GRID2: variants seen among roughly 807,000 people sequenced by gnomAD.
The protein encoded by GRID2 is glutamate ionotropic receptor delta type subunit 2.
A neutral mutation model predicts 114.8 loss-of-function variants in GRID2; 33 were observed. That is an observed-to-expected ratio of 0.29 (90% CI 0.22 to 0.38). The LOEUF is 0.38. GRID2 is among the 10% of genes least tolerant of loss of function. The pLI is 1.00. For synonymous variants in GRID2, 505 were observed against 449.9 expected (o/e 1.12, Z -1.55); for missense variants, 1,184 against 1,257.7 (o/e 0.94, Z 0.89).
At chr4:92,315,698 C>T (rs993937488) in intron 1 of GRID2, among the ~76,000 whole-genome samples, 1 of 152,054 alleles carries the variant, frequency 6.6e-6, no homozygotes, top group East Asian at 1.9e-4. Flanking sequence ...TGGCCATGCA[C>T]GGTGGCTCAC....
intron 2 of GRID2, among the ~76,000 whole-genome samples, chr4:92,887,552 A>AC (rs11389654): frequency 0.86 from 130,342 of 152,088 alleles, 56,390 homozygotes; most frequent in African/African-American, 0.97. Context: ...GTTAGAATCA[A>AC]TGGATCTTGA....
chr4:92,684,557 T>A (rs1208507537), intron 2 of GRID2, among the ~76,000 whole-genome samples: 1 of 152,174 alleles, frequency 6.6e-6, no homozygotes, highest in East Asian at 1.9e-4. Flanking sequence ...ATTTGTGAAT[T>A]ACAATGATCA....
intron 8 of GRID2, among the ~76,000 whole-genome samples, chr4:93,307,829 G>C (rs1755592011): frequency 6.6e-6 from 1 of 151,734 alleles, no homozygotes; most frequent in African/African-American, 2.4e-5. Context: ...CACAAGGAAA[G>C]GGGTAAACTG....
At chr4:92,860,423 A>G (rs1051230208) in intron 2 of GRID2, among the ~76,000 whole-genome samples, 1 of 152,162 alleles carries the variant, frequency 6.6e-6, no homozygotes. Context: ...TTGTTAGACT[A>G]TGATTTGTGA....
chr4:92,674,452 A>G lies in GRID2; in HGVS notation c.244+84166A>G, dbSNP rs1026364487. 2.0e-5 allele frequency among the ~76,000 whole-genome samples: 3 copies of G among 152,230 alleles called. No individual in the cohort carries two copies. In the East Asian group the frequency reaches 5.8e-4, roughly 29 times the overall value. On this transcript the variant is annotated intron_variant, in intron 2 of 15. Transcript: ENST00000282020. ...TCTTAATTTCAGATAATTTATTTTT[A>G]CAGTTTCAACTTATATGGTTTTTAT...
chr4:93,793,076 G>A (rs1311499370), intron 1 of GRID2, among the ~76,000 whole-genome samples: 3 of 152,034 alleles, frequency 2.0e-5, no homozygotes, highest in South Asian at 4.1e-4. Flanking sequence ...CCTTATGCTC[G>A]ATCCCACTAT....
intron 1 of GRID2, among the ~76,000 whole-genome samples, chr4:92,429,902 T>C (rs1482966943): frequency 6.6e-6 from 1 of 152,208 alleles, no homozygotes; most frequent in African/African-American, 2.4e-5. Context: ...GTATATCTTC[T>C]TTTGAGAAAT....
At chr4:92,769,018 A>C (rs1738403214) in intron 2 of GRID2, among the ~76,000 whole-genome samples, 1 of 152,174 alleles carries the variant, frequency 6.6e-6, no homozygotes, top group Non-Finnish European at 1.5e-5. Flanking sequence ...ATTAACTCAG[A>C]AGTCCACAGT....
intron 2 of GRID2, among the ~76,000 whole-genome samples, chr4:92,834,607 G>A (rs1162743754): frequency 6.6e-6 from 1 of 152,108 alleles, no homozygotes; most frequent in Non-Finnish European, 1.5e-5. Flanking sequence ...ATACCCTCAA[G>A]CAGCTTATAC....
At chr4:93,774,691 C>T (rs1466548327), downstream of GRID2, 1 of 152,070 alleles carries the variant, frequency 6.6e-6, no homozygotes, top group East Asian at 1.9e-4. Flanking sequence ...ACTGGCAGAA[C>T]TATGCCAAAA....
chr4:93,127,189 C>T (rs1051011365), intron 4 of GRID2, among the ~76,000 whole-genome samples: 1 of 152,150 alleles, frequency 6.6e-6, no homozygotes, highest in African/African-American at 2.4e-5. Flanking sequence ...TTAGTGATCA[C>T]TTGCGAAGTT....
At chr4:92,425,060 G>A (rs1025559355) in intron 1 of GRID2, among the ~76,000 whole-genome samples, 1 of 151,814 alleles carries the variant, frequency 6.6e-6, no homozygotes, top group African/African-American at 2.4e-5. Context: ...AATCTTTTAG[G>A]TTATTATAAT....
chr4:93,579,299 A>G (rs1376249922), intron 13 of GRID2, among the ~76,000 whole-genome samples: 1 of 152,138 alleles, frequency 6.6e-6, no homozygotes, highest in Non-Finnish European at 1.5e-5. Context: ...GGACACGTTC[A>G]TATCACAGTA....
At chr4:93,323,040 C>T (rs529532072) in intron 8 of GRID2, among the ~76,000 whole-genome samples, 1 of 152,202 alleles carries the variant, frequency 6.6e-6, no homozygotes, top group African/African-American at 2.4e-5. Flanking sequence ...CGCAGGAGCT[C>T]TTTAGTTTAA....
intron 2 of GRID2, among the ~76,000 whole-genome samples, chr4:92,626,017 T>C (rs1730504374): frequency 6.6e-6 from 1 of 151,990 alleles, no homozygotes; most frequent in Admixed American, 6.6e-5. Flanking sequence ...GAAGTCTAGA[T>C]ATCCTAATTT....
chr4:92,564,371 G>A (rs1304728975), intron 1 of GRID2, among the ~76,000 whole-genome samples: 1 of 151,860 alleles, frequency 6.6e-6, no homozygotes, highest in East Asian at 1.9e-4. Flanking sequence ...TGCCCCTGAG[G>A]GATAAAATTT....
At chr4:93,200,501 G>A (rs1442968064) in intron 4 of GRID2, among the ~76,000 whole-genome samples, 2 of 152,190 alleles carry the variant, frequency 1.3e-5, no homozygotes, top group East Asian at 3.9e-4. Context: ...GGGAGGTGGA[G>A]CTTGCAGTGA....
chr4:93,649,386 C>T (rs1722388468), intron 14 of GRID2, among the ~76,000 whole-genome samples: 1 of 152,036 alleles, frequency 6.6e-6, no homozygotes, highest in Admixed American at 6.6e-5. Flanking sequence ...AGTAAAGTTT[C>T]ATTTATTTTT....
chr4:92,393,643 C>G (rs1419517430), intron 1 of GRID2, among the ~76,000 whole-genome samples: 1 of 152,082 alleles, frequency 6.6e-6, no homozygotes, highest in Admixed American at 6.6e-5. Context: ...AACCAATTTT[C>G]ATTGTTTTAT....
Sources: allele counts gnomAD v4.1 joint callset (sites outside exome capture counted in the v4.1 genomes callset), GRCh38; gene constraint gnomAD v4.1.1; transcripts MANE v1.5; gene names NCBI Gene and HGNC (gene_info 2026-07-23, HGNC 2026-07-21).